Variants in UEVLD observed in about 807,000 individuals in gnomAD.
UEVLD encodes the protein ubiquitin-conjugating enzyme E2 variant 3.
A neutral mutation model predicts 58.6 loss-of-function variants in UEVLD; 47 were observed. The observed-to-expected ratio is 0.80, with a 90% CI of 0.63 to 1.02. The LOEUF is 1.02. UEVLD is among the 50% of genes least tolerant of loss of function. UEVLD has a pLI of 0.00. For synonymous variants in UEVLD, 197 were observed against 195.3 expected, an observed-to-expected ratio of 1.01 and a Z score of -0.07; for missense variants, 510 against 550.6, an observed-to-expected ratio of 0.93 and a Z score of 0.74.
At chr11:18,577,288 T>C (rs541377899) in intron 2 of UEVLD, among the ~76,000 whole-genome samples, 20 of 152,334 alleles carry the variant, frequency 1.3e-4, no homozygotes, top group Non-Finnish European at 2.5e-4. Flanking sequence ...AAATCAGTTA[T>C]AGTCACTTTT....
intron 9 of UEVLD, among the ~76,000 whole-genome samples, chr11:18,540,387 A>C (rs1452905016): frequency 6.6e-6 from 1 of 152,220 alleles, no homozygotes; most frequent in East Asian, 1.9e-4. Flanking sequence ...GCAAAAGTCT[A>C]AACAGTTGGT....
At chr11:18,532,578 A>G in intron 11 of UEVLD, 91 bp from the exon 12 acceptor site, 3 of 1,105,898 alleles carry the variant, frequency 2.7e-6, no homozygotes, top group Non-Finnish European at 3.6e-6. Context: ...CTTAACTAGG[A>G]CAAAGTGATA....
At chr11:18,561,965 A>G (rs1852058016) in intron 6 of UEVLD, among the ~76,000 whole-genome samples, 1 of 152,086 alleles carries the variant, frequency 6.6e-6, no homozygotes, top group Non-Finnish European at 1.5e-5. Flanking sequence ...TGTAAAGGTT[A>G]GTTGCTGCTG....
Position 18,536,474 on chromosome 11 carries a change from A to G in UEVLD, c.1061-5T>C. ...CTTGGCCACTCCATGTGAGCACTAA[A>G]ATTAGATGAAGAATTAATTATGTTT... On this transcript the variant is annotated splice_polypyrimidine_tract_variant and splice_region_variant and intron_variant, in intron 9 of 11. Transcript: ENST00000396197. 1 of 1,612,212 alleles carries G rather than the reference A, an allele frequency of 6.2e-7. No individual in the cohort carries two copies. The highest frequency in any genetic ancestry group is 1.1e-5 in the South Asian group (1 of 91,044).
At chr11:18,582,500 A>AT (rs2134072063) in intron 1 of UEVLD, among the ~76,000 whole-genome samples, 1 of 150,476 alleles carries the variant, frequency 6.6e-6, no homozygotes, top group African/African-American at 2.4e-5. Context: ...TGCCTGGATA[A>AT]TTCTTTGGTA....
chr11:18,563,008 T>TG (rs547436954), intron 6 of UEVLD, among the ~76,000 whole-genome samples: 6 of 151,106 alleles, frequency 4.0e-5, no homozygotes, highest in Non-Finnish European at 8.8e-5. Flanking sequence ...ATCATACCAG[T>TG]GCATGCCAAC....
In UEVLD at chr11:18,533,850, C is replaced by T. The variant is rs148795672; in HGVS notation, c.1248+480G>A. Among the ~76,000 whole-genome samples the T allele has an allele frequency of 1.6e-4, 25 of 152,254 alleles. No individual in the cohort carries two copies. The East Asian group carries it at 4.3e-3, about 26-fold the overall frequency. On this transcript the variant is annotated intron_variant, in intron 11 of 11. Coordinates refer to ENST00000396197, the MANE Select transcript of UEVLD (RefSeq NM_001040697.4). The stretch of plus-strand genomic sequence containing the variant: ...TTGTATTTTTAGTAGAGAGGGGTTT[C>T]ACCATGTTAGCCAGGCTGGTCTCAA...
At position 18,543,418 on chromosome 11, in the gene UEVLD, TACTTA is replaced by T. The variant is rs1362033573; in HGVS notation, c.1060+1200_1060+1204del. ...CATTTTTTATCCCATGAACATGCCATACTTAACTTCGTGCTTTTGCCTAATTCTGA... is the reference window on the plus strand; with the variant it reads ...CATTTTTTATCCCATGAACATGCCATACTTCGTGCTTTTGCCTAATTCTGA... On this transcript the variant is annotated intron_variant, in intron 9 of 11. Coordinates refer to ENST00000396197, the MANE Select transcript of UEVLD (RefSeq NM_001040697.4). Among the ~76,000 whole-genome samples, 5 of 152,226 alleles carry T rather than the reference TACTTA, an allele frequency of 3.3e-5. 1 individual carries two copies. Among genetic ancestry groups the T allele is most frequent in the South Asian group, 2.1e-4 (1 of 4,832 alleles).
At chr11:18,537,496 A>G (rs1380802669) in intron 9 of UEVLD, among the ~76,000 whole-genome samples, 1 of 150,746 alleles carries the variant, frequency 6.6e-6, no homozygotes, top group Admixed American at 6.6e-5. Flanking sequence ...ACACCTGGCT[A>G]ATTTTTGTAT....
At chr11:18,587,126 C>T (rs1200074351) in intron 1 of UEVLD, among the ~76,000 whole-genome samples, 1 of 152,218 alleles carries the variant, frequency 6.6e-6, no homozygotes, top group Admixed American at 6.5e-5. Flanking sequence ...ATTCTACTCT[C>T]ACCCTTGAAA....
rs773719146 is a variant in UEVLD at position 18,582,405 on chromosome 11, CTTT to C, written c.43-3600_43-3598del. 1.2e-4 allele frequency among the ~76,000 whole-genome samples: 9 copies of C among 75,642 alleles called. No homozygotes were observed. The East Asian group carries it at 2.1e-3, about 18-fold the overall frequency. The allele number at this position is 75,642 out of a possible 152,430, so 49.6% of individuals were successfully genotyped here. On this transcript the variant is annotated intron_variant, in intron 1 of 11. Transcript: ENST00000396197. ...TTATCTGTCCCAAGGAAAATATTAG[CTTT>C]TTTTTTTTTTTTTTTTGGAGACAGG...
chr11:18,578,729 G>A lies in UEVLD; in HGVS notation c.122C>T (p.Thr41Ile). ...FFPHFKYSMD[T>I]YVFKDSSQKD... ...CTAGAGGATATGATTCTTACCATAG[G>A]TGTCCATGGAATATTTGAAATGTGG... Residue 41 changes from threonine (T) to isoleucine (I), a missense_variant, in exon 2 of 12, where the codon ACC (threonine) becomes ATC (isoleucine). Thr to Ile is a moderately conservative substitution (Grantham distance 89). Coordinates refer to ENST00000396197, the MANE Select transcript of UEVLD (RefSeq NM_001040697.4). The A allele has an allele frequency of 6.2e-7, 1 of 1,600,210 alleles. No homozygotes were observed. The highest frequency in any genetic ancestry group is 8.5e-7 in the Non-Finnish European group (1 of 1,170,592).
chr11:18,560,412 A>C (rs1274777936), intron 6 of UEVLD, among the ~76,000 whole-genome samples: 2 of 152,340 alleles, frequency 1.3e-5, no homozygotes, highest in African/African-American at 4.8e-5. Flanking sequence ...AAGTATTCTT[A>C]CATATTATGG....
At chr11:18,571,323 G>A (rs1048168784) in intron 3 of UEVLD, among the ~76,000 whole-genome samples, 2 of 152,136 alleles carry the variant, frequency 1.3e-5, no homozygotes, top group Non-Finnish European at 2.9e-5. Flanking sequence ...CTCCAGCCAG[G>A]TGACAGCGCA....
intron 11 of UEVLD, 43 bp from the exon 12 acceptor site, chr11:18,532,530 C>T (rs370923111): frequency 1.4e-6 from 2 of 1,451,228 alleles, no homozygotes; most frequent in Admixed American, 2.2e-5. Flanking sequence ...TAAATCATTG[C>T]AAAGAAGTTA....
intron 4 of UEVLD, among the ~76,000 whole-genome samples, chr11:18,568,184 C>T (rs963061488): frequency 3.9e-5 from 6 of 152,164 alleles, no homozygotes; most frequent in African/African-American, 1.2e-4. Flanking sequence ...TAAAGAGGCT[C>T]AGAACAGTAA....
rs1384525074 is a variant in UEVLD, at chr11:18,578,745, T to G, written c.106A>C (p.Lys36Gln). The G allele has an allele frequency of 1.9e-6, 3 of 1,607,360 alleles. No individual in the cohort carries two copies. The highest frequency in any genetic ancestry group is 1.1e-5 in the South Asian group (1 of 89,606). The change falls in exon 2 of 12, where the codon AAA becomes CAA. Residue 36 changes from lysine (K) to glutamine (Q), a missense_variant. Physicochemically the swap from Lys to Gln is moderately conservative, Grantham distance 53. Coordinates refer to ENST00000396197, the MANE Select transcript of UEVLD (RefSeq NM_001040697.4). Reference sequence around the variant, plus strand: ...TTACCATAGGTGTCCATGGAATATTTGAAATGTGGGAAAAATACATTTACA... The same window carrying G: ...TTACCATAGGTGTCCATGGAATATTGGAAATGTGGGAAAAATACATTTACA... ...RNVNVFFPHFKYSMDTYVFKD... is the reference protein window; with the variant it reads ...RNVNVFFPHFQYSMDTYVFKD...
intron 9 of UEVLD, among the ~76,000 whole-genome samples, chr11:18,538,053 T>C (rs1850885046): frequency 6.6e-6 from 1 of 152,222 alleles, no homozygotes; most frequent in African/African-American, 2.4e-5. Context: ...GATTGTTTGG[T>C]ACAAATCTGT....
At chr11:18,573,558 T>G (rs1322080077) in intron 3 of UEVLD, among the ~76,000 whole-genome samples, 1 of 152,248 alleles carries the variant, frequency 6.6e-6, no homozygotes, top group East Asian at 1.9e-4. Flanking sequence ...ACTCTATGCC[T>G]GTTCTGCCTA....
Sources: gnomAD v4.1 joint callset for allele counts (sites outside exome capture counted in the v4.1 genomes callset) on GRCh38, gnomAD v4.1.1 for gene constraint, MANE v1.5 for transcripts, NCBI Gene and HGNC (gene_info 2026-07-23, HGNC 2026-07-21) for gene names.